PRG4: variants seen among roughly 807,000 people sequenced by gnomAD.
The protein encoded by PRG4 is proteoglycan 4.
PRG4 carries 61 observed loss-of-function variants against 91.2 expected under a neutral mutation model. That is an observed-to-expected ratio of 0.67 (90% CI 0.54 to 0.83). The LOEUF (loss-of-function observed/expected upper bound fraction) is 0.83. Among genes scored for constraint, PRG4 ranks in the 40% least tolerant of loss-of-function variants. The probability of loss-of-function intolerance (pLI) is 0.00; values close to 1 mark genes in which losing one functional copy is unlikely to be tolerated. For missense variants in PRG4, 1,564 were observed against 1,714.2 expected, an observed-to-expected ratio of 0.91 and a Z score of 1.55; for synonymous variants, 576 against 614.2, an observed-to-expected ratio of 0.94 and a Z score of 0.92.
At chr1:186,309,422 A>G (rs914944202) in intron 7 of PRG4, among the ~76,000 whole-genome samples, 1 of 152,206 alleles carries the variant, frequency 6.6e-6, no homozygotes, top group Non-Finnish European at 1.5e-5. Context: ...TCTATTCTTA[A>G]AAGTACAATG....
rs1571545488 is a variant in PRG4, at chr1:186,297,026, A to G, written c.76+75A>G. ...TCAGTCTTGATTTTTATAACAACGG[A>G]AATATATTTCTAAAAATTTATATTT... On this transcript the variant is annotated intron_variant, in intron 2 of 12. Transcript: ENST00000445192. 23 of 1,301,678 alleles carry G rather than the reference A, an allele frequency of 1.8e-5. No individual in the cohort carries two copies. The East Asian group carries it at 5.5e-4, about 31-fold the overall frequency. 80.6% of individuals were successfully genotyped at this position (1,301,678 alleles called of 1,614,324 possible). A position where few individuals can be genotyped will look rare whatever the true frequency, so the allele number is the denominator to read the frequency against.
At chr1:186,301,525 G>A (rs1656217555) in intron 3 of PRG4, 67 bp from the exon 4 acceptor site, 1 of 1,607,406 alleles carries the variant, frequency 6.2e-7, no homozygotes, top group Non-Finnish European at 8.5e-7. Flanking sequence ...GGTGGGAAAT[G>A]GCTGTCAAAT....
chr1:186,305,168 G>A (rs1656477559), intron 6 of PRG4, among the ~76,000 whole-genome samples: 1 of 152,172 alleles, frequency 6.6e-6, no homozygotes, highest in African/African-American at 2.4e-5. Flanking sequence ...CCACAAGATG[G>A]CACCAGAGAT....
rs774280540 is a variant in PRG4, at chr1:186,300,082, T to A, written c.77-9T>A. ...TGGCCATATTTACGCCAGTATTGTATAATTTTAGATTTATCAAGCTGTGCA... is the reference window on the plus strand; with the variant it reads ...TGGCCATATTTACGCCAGTATTGTAAAATTTTAGATTTATCAAGCTGTGCA... On this transcript the variant is annotated splice_polypyrimidine_tract_variant and intron_variant, in intron 2 of 12. Transcript: ENST00000445192. 6.2e-7 allele frequency: 1 copy of A among 1,614,030 alleles called. No homozygotes were observed. Among genetic ancestry groups the A allele is most frequent in the Non-Finnish European group, 8.5e-7 (1 of 1,179,860 alleles).
intron 2 of PRG4, among the ~76,000 whole-genome samples, chr1:186,297,420 A>G (rs548139398): frequency 1.3e-5 from 2 of 152,212 alleles, no homozygotes; most frequent in Non-Finnish European, 2.9e-5. Context: ...AGTGTTTCAA[A>G]TGGCATTTTA....
chr1:186,312,391 TAAA>T lies in PRG4; in HGVS notation c.3991+24_3991+26del. The stretch of plus-strand genomic sequence containing the variant: ...GACAAAGGTAACATTTTTATTGTGT[TAAA>T]AAAATCCTTAAACATAAGTAGATGT... On this transcript the variant is annotated intron_variant, in intron 11 of 12. Coordinates refer to ENST00000445192, the MANE Select transcript of PRG4 (RefSeq NM_005807.6). The T allele has an allele frequency of 1.3e-6, 2 of 1,591,552 alleles. No individual in the cohort carries two copies. The highest frequency in any genetic ancestry group is 1.7e-6 in the Non-Finnish European group (2 of 1,168,386).
Position 186,314,558 on chromosome 1 carries a change from G to T in PRG4, c.*780G>T. 1.7e-6 allele frequency: 2 copies of T among 1,201,422 alleles called. No homozygotes were observed. The highest frequency in any genetic ancestry group is 2.3e-6 in the Non-Finnish European group (2 of 851,308). The allele number at this position is 1,201,422 out of a possible 1,614,324, so 74.4% of individuals were successfully genotyped here. A position where few individuals can be genotyped will look rare whatever the true frequency, so the allele number is the denominator to read the frequency against. Reference sequence around the variant, plus strand: ...TAAAAAAATAAATTGGAGGCTTAAGGATTAGAAAACTTGTTCCATTTATTA... The same window carrying T: ...TAAAAAAATAAATTGGAGGCTTAAGTATTAGAAAACTTGTTCCATTTATTA... On this transcript the variant is annotated 3_prime_UTR_variant, in exon 13 of 13. Transcript: ENST00000445192.
chr1:186,312,920 A>AAGG (rs1386847112), intron 12 of PRG4, 26 bp downstream of exon 12: 1 of 1,597,994 alleles, frequency 6.3e-7, no homozygotes, highest in Non-Finnish European at 8.6e-7. Context: ...ACAGTTTCCC[A>AAGG]AGGAGGTGAT....
Position 186,306,439 on chromosome 1 carries a change from C to T in PRG4, c.720C>T (p.Thr240=), listed in dbSNP as rs375074991. Reference sequence around the variant, plus strand: ...AGGTCACAACTCCTGACACGTCTACCACCCAACACAATAAAGTCAGCACAT... The same window carrying T: ...AGGTCACAACTCCTGACACGTCTACTACCCAACACAATAAAGTCAGCACAT... The part of the protein sequence containing the change: ...DFKVTTPDTS[T]TQHNKVSTSP... The change falls in exon 7 of 13, where the codon ACC becomes ACT. Residue 240 remains threonine (T), a synonymous_variant. Coordinates refer to ENST00000445192, the MANE Select transcript of PRG4 (RefSeq NM_005807.6). 4.6e-5 allele frequency: 74 copies of T among 1,613,484 alleles called. No individual in the cohort carries two copies. The African/African-American group carries it at 8.2e-4, about 18-fold the overall frequency.
In PRG4 at chr1:186,310,657, ATTTTTTTTTGTATT is replaced by A. The variant is rs1177993065; in HGVS notation, c.3500-367_3500-354del. Among the ~76,000 whole-genome samples the A allele has an allele frequency of 3.4e-4, 46 of 135,932 alleles. 1 individual carries two copies. The highest frequency in any genetic ancestry group is 1.1e-3 in the African/African-American group (38 of 34,238). The allele number at this position is 135,932 out of a possible 152,430, so 89.2% of individuals were successfully genotyped here. On this transcript the variant is annotated intron_variant, in intron 8 of 12. Coordinates refer to ENST00000445192, the MANE Select transcript of PRG4 (RefSeq NM_005807.6). Reference sequence around the variant, plus strand: ...ACCACCATGCCTGGCTAATTTTTGTATTTTTTTTTGTATTTTTTTTTTTTTGTAGAGACAGGGTT... The same window carrying A: ...ACCACCATGCCTGGCTAATTTTTGTATTTTTTTTTTTGTAGAGACAGGGTT...
At position 186,313,009 on chromosome 1, in the gene PRG4, C is replaced by T. The variant is rs1657397884; in HGVS notation, c.4117+115C>T. Reference sequence around the variant, plus strand: ...GAATGTGAGAAGTTACACTACGGTACTTATTCTAATTGCTGTGGAAAAGAG... The same window carrying T: ...GAATGTGAGAAGTTACACTACGGTATTTATTCTAATTGCTGTGGAAAAGAG... On this transcript the variant is annotated intron_variant, in intron 12 of 12. Transcript: ENST00000445192. The T allele has an allele frequency of 5.3e-6, 6 of 1,134,816 alleles. No individual in the cohort carries two copies. The South Asian group carries it at 7.6e-5, about 14-fold the overall frequency. The allele number at this position is 1,134,816 out of a possible 1,614,324, so 70.3% of individuals were successfully genotyped here.
At chr1:186,312,459 T>C (rs1254547596) in intron 11 of PRG4, 87 bp downstream of exon 11, 12 of 1,272,244 alleles carry the variant, frequency 9.4e-6, no homozygotes, top group Non-Finnish European at 1.2e-5. Context: ...GAAATATGGA[T>C]ACTGATCAAA....
rs1655889360 is a variant in PRG4 at position 186,296,868 on chromosome 1, A to G, written c.-8A>G. The G allele has an allele frequency of 1.2e-6, 2 of 1,613,304 alleles. No individual in the cohort carries two copies. The highest frequency in any genetic ancestry group is 4.5e-5 in the East Asian group (2 of 44,860). On this transcript the variant is annotated 5_prime_UTR_variant, in exon 2 of 13. Coordinates refer to ENST00000445192, the MANE Select transcript of PRG4 (RefSeq NM_005807.6). The stretch of plus-strand genomic sequence containing the variant: ...CAGCAAGGGTACCTACGGTACCTGA[A>G]AACAACGATGGCATGGAAAACACTT...
chr1:186,309,643 G>A, intron 7 of PRG4, 150 bp from the exon 8 acceptor site: 1 of 660,164 alleles, frequency 1.5e-6, no homozygotes. Flanking sequence ...GAATTATCAA[G>A]TATATAACTA....
rs977963633 is a variant in PRG4 at position 186,307,844 on chromosome 1, C to T, written c.2125C>T (p.Pro709Ser). ...CCCTAAGGAGACTGCTCCAACTACC[C>T]CTAAAGGGACTGCTCCAACTACCCT... ...TTPKETAPTT[P>S]KGTAPTTLKE... The change falls in exon 7 of 13, where the codon CCT becomes TCT. Residue 709 changes from proline (P) to serine (S), a missense_variant. This residue lies in a region of PRG4 where 1,079 missense variants were observed against 1,162.2 expected (regional missense o/e 0.93). Transcript: ENST00000445192. 6.8e-6 allele frequency: 11 copies of T among 1,611,120 alleles called. No individual in the cohort carries two copies. The highest frequency in any genetic ancestry group is 8.5e-6 in the Non-Finnish European group (10 of 1,179,202).
intron 5 of PRG4, 97 bp downstream of exon 5, chr1:186,304,354 C>G (rs1048608452): frequency 7.2e-7 from 1 of 1,393,696 alleles, no homozygotes; most frequent in Non-Finnish European, 1.0e-6. Flanking sequence ...ACAGGGTAAT[C>G]TTAGGAATCA....
intron 6 of PRG4, among the ~76,000 whole-genome samples, chr1:186,305,407 TA>T (rs1293980789): frequency 6.6e-6 from 1 of 152,198 alleles, no homozygotes; most frequent in Non-Finnish European, 1.5e-5. Flanking sequence ...CCTAGTAACT[TA>T]TATATTATAT....
In PRG4 at chr1:186,313,697, T is replaced by C. The variant is rs141140667; in HGVS notation, c.4134T>C (p.Ile1378=). The C allele has an allele frequency of 1.9e-6, 3 of 1,602,240 alleles. No homozygotes were observed. In the African/African-American group the frequency reaches 4.0e-5, roughly 21 times the overall value. The part of the protein sequence containing the change: ...YAFSKDQYYN[I]DVPSRTARAI... ...TCCATTTAGATCAATACTATAACAT[T>C]GATGTGCCTAGTAGAACAGCAAGAG... Residue 1378 remains isoleucine (I), a synonymous_variant, in exon 13 of 13, where the codon ATT becomes ATC. Coordinates refer to ENST00000445192, the MANE Select transcript of PRG4 (RefSeq NM_005807.6).
rs199545586 is a variant in PRG4 at position 186,308,812 on chromosome 1, C to T, written c.3093C>T (p.Pro1031=). 78 of 1,613,656 alleles carry T rather than the reference C, an allele frequency of 4.8e-5. No homozygotes were observed. The highest frequency in any genetic ancestry group is 1.2e-4 in the Admixed American group (7 of 59,994). ...PQKPTKAPKK[P]TSTKKPKTMP... is the part of the protein sequence containing the mutation. Reference sequence around the variant, plus strand: ...AGCCAACCAAAGCACCCAAAAAACCCACTTCTACCAAAAAGCCAAAAACAA... The same window carrying T: ...AGCCAACCAAAGCACCCAAAAAACCTACTTCTACCAAAAAGCCAAAAACAA... Residue 1031 remains proline (P), a synonymous_variant, in exon 7 of 13, where the codon CCC becomes CCT. Coordinates refer to ENST00000445192, the MANE Select transcript of PRG4 (RefSeq NM_005807.6).
Sources: gnomAD v4.1 joint callset for allele counts (sites outside exome capture counted in the v4.1 genomes callset) on GRCh38, gnomAD v4.1.1 for gene constraint, gnomAD v4.1.1 regional missense constraint, MANE v1.5 for transcripts, NCBI Gene and HGNC (gene_info 2026-07-23, HGNC 2026-07-21) for gene names.